ARMC2: variants seen among roughly 807,000 people sequenced by gnomAD.
ARMC2 encodes the protein armadillo repeat-containing protein 2.
ARMC2 carries 67 observed loss-of-function variants against 90.3 expected under a neutral mutation model. The ratio of observed to expected loss-of-function variants is 0.74; its 90% CI spans 0.61 to 0.91. ARMC2 has a LOEUF of 0.91. Among genes scored for constraint, ARMC2 ranks in the 40% least tolerant of loss-of-function variants. ARMC2 has a pLI of 0.00. For synonymous variants in ARMC2, 393 were observed against 393.0 expected (o/e 1.00, Z 0.00); for missense variants, 920 against 1,030.9 (o/e 0.89, Z 1.47).
At chr6:108,941,563 A>G (rs938264431) in intron 12 of ARMC2, among the ~76,000 whole-genome samples, 10 of 152,220 alleles carry the variant, frequency 6.6e-5, no homozygotes, top group African/African-American at 2.4e-4. Flanking sequence ...TTGGTTAGAT[A>G]CCAGACACAA....
intron 17 of ARMC2, among the ~76,000 whole-genome samples, chr6:108,971,282 G>T (rs1778747646): frequency 6.6e-6 from 1 of 152,160 alleles, no homozygotes; most frequent in Non-Finnish European, 1.5e-5. Flanking sequence ...CAAACAGGAA[G>T]AGCTCTGAAC....
chr6:108,917,241 C>T (rs1774058408), intron 10 of ARMC2, among the ~76,000 whole-genome samples: 2 of 152,062 alleles, frequency 1.3e-5, no homozygotes, highest in South Asian at 4.1e-4. Flanking sequence ...TTTTCCTCTC[C>T]ACAGCCCCCT....
At chr6:109,014,997 A>G in the ARMC2 span, among the ~76,000 whole-genome samples, 2 of 152,196 alleles carry the variant, frequency 1.3e-5, no homozygotes, top group Non-Finnish European at 2.9e-5. Flanking sequence ...TATATTTCCA[A>G]TGTCCTAGTG....
intron 12 of ARMC2, among the ~76,000 whole-genome samples, chr6:108,944,787 G>C (rs1776687249): frequency 6.6e-6 from 1 of 151,742 alleles, no homozygotes; most frequent in Non-Finnish European, 1.5e-5. Context: ...GTTTCCATCT[G>C]TATGTGATGG....
chr6:108,924,469 G>C (rs368485030), intron 10 of ARMC2, among the ~76,000 whole-genome samples: 1 of 151,148 alleles, frequency 6.6e-6, no homozygotes, highest in East Asian at 1.9e-4. Context: ...AGTGAGCCGA[G>C]ATCGAGACTC....
the ARMC2 span, chr6:108,990,612 A>C: frequency 2.5e-6 from 4 of 1,605,252 alleles, no homozygotes; most frequent in Non-Finnish European, 3.4e-6. Flanking sequence ...CCAGAGGAAA[A>C]CATCTCTTTA....
Position 108,974,186 on chromosome 6 carries a change from A to G in ARMC2, c.*672A>G, listed in dbSNP as rs1778930585. 6.6e-6 allele frequency: 1 copy of G among 152,258 alleles called. No individual in the cohort carries two copies. The allele number at this position is 152,258 out of a possible 1,614,324, so 9.4% of individuals were successfully genotyped here. A position where few individuals can be genotyped will look rare whatever the true frequency, so the allele number is the denominator to read the frequency against. On this transcript the variant is annotated 3_prime_UTR_variant, in exon 18 of 18. Transcript: ENST00000392644. Reference sequence around the variant, plus strand: ...TGACAGGTGAGGTAATGTATTAGAAAGAATGCAGGCTTAGGTGAATGGTAT... The same window carrying G: ...TGACAGGTGAGGTAATGTATTAGAAGGAATGCAGGCTTAGGTGAATGGTAT...
chr6:109,045,948 C>CAT, the ARMC2 span, among the ~76,000 whole-genome samples: 1 of 152,152 alleles, frequency 6.6e-6, no homozygotes, highest in African/African-American at 2.4e-5. Flanking sequence ...ATTTTGAACC[C>CAT]ATATGGGCTG....
At chr6:108,937,133 T>C (rs2768557) in intron 12 of ARMC2, 134 bp downstream of exon 12, 536,066 of 704,892 alleles carry the variant, frequency 0.76, 205,262 homozygotes, top group East Asian at 0.84. Flanking sequence ...TAATGGGCTG[T>C]CCTGGGAAGC....
At chr6:108,922,123 G>A (rs555357790) in intron 10 of ARMC2, among the ~76,000 whole-genome samples, 15 of 152,308 alleles carry the variant, frequency 9.8e-5, no homozygotes, top group South Asian at 4.1e-4. Context: ...AGAGAGGGCC[G>A]TCCACTCTGG....
Position 108,890,189 on chromosome 6 carries a change from C to CAAAAAAAAAA in ARMC2, c.672-4247_672-4238dup, listed in dbSNP as rs869186045. Among the ~76,000 whole-genome samples the CAAAAAAAAAA allele has an allele frequency of 9.3e-4, 60 of 64,238 alleles. 3 individuals carry two copies. Among genetic ancestry groups the CAAAAAAAAAA allele is most frequent in the Non-Finnish European group, 1.0e-3 (40 of 38,998 alleles). 42.1% of individuals were successfully genotyped at this position (64,238 alleles called of 152,430 possible). On this transcript the variant is annotated intron_variant, in intron 5 of 17. Transcript: ENST00000392644. Reference sequence around the variant, plus strand: ...TGGGTGACAGAGCGAGACTCCGTCTCAAAAAAAAAAAAAAAAAAAAAAAAA... The same window carrying CAAAAAAAAAA: ...TGGGTGACAGAGCGAGACTCCGTCTCAAAAAAAAAAAAAAAAAAAAAAAAAAAAAAAAAAA...
At chr6:108,924,962 G>A (rs186116920) in intron 10 of ARMC2, among the ~76,000 whole-genome samples, 1 of 152,304 alleles carries the variant, frequency 6.6e-6, no homozygotes, top group Non-Finnish European at 1.5e-5. Flanking sequence ...GGGCCCGGGA[G>A]TTTAGGAGCT....
chr6:108,894,783 T>C (rs1017722909), intron 6 of ARMC2, among the ~76,000 whole-genome samples: 3 of 146,790 alleles, frequency 2.0e-5, no homozygotes, highest in Non-Finnish European at 4.5e-5. Context: ...TTTTTTTTTT[T>C]TGAGATGGAG....
chr6:108,996,020 A>G, the ARMC2 span, among the ~76,000 whole-genome samples: 11 of 152,136 alleles, frequency 7.2e-5, no homozygotes, highest in African/African-American at 4.8e-5. Context: ...CAGAGGACCA[A>G]TCATAATTTA....
intron 13 of ARMC2, among the ~76,000 whole-genome samples, chr6:108,953,929 G>A (rs1446382123): frequency 1.3e-5 from 2 of 152,202 alleles, no homozygotes; most frequent in Admixed American, 6.5e-5. Flanking sequence ...TCTGGAGGCT[G>A]AGAAATTCAA....
intron 7 of ARMC2, among the ~76,000 whole-genome samples, chr6:108,901,236 C>T (rs1447264516): frequency 6.9e-6 from 1 of 145,386 alleles, no homozygotes; most frequent in East Asian, 2.1e-4. Flanking sequence ...GCCTCAGCCT[C>T]TTGAGTAGCT....
chr6:109,035,460 T>G, the ARMC2 span, among the ~76,000 whole-genome samples: 1 of 151,282 alleles, frequency 6.6e-6, no homozygotes, highest in African/African-American at 2.4e-5. Context: ...ATGGAGTAGG[T>G]AGGAAGAACC....
intron 3 of ARMC2, among the ~76,000 whole-genome samples, chr6:108,862,350 A>C (rs1030996392): frequency 2.8e-5 from 4 of 144,962 alleles, no homozygotes; most frequent in South Asian, 2.3e-4. Flanking sequence ...CTCAAAAAAA[A>C]AAAAAAAACA....
intron 1 of ARMC2, among the ~76,000 whole-genome samples, chr6:108,851,901 T>G (rs1438403017): frequency 2.0e-5 from 3 of 152,224 alleles, no homozygotes; most frequent in Non-Finnish European, 4.4e-5. Flanking sequence ...CTCACATTAG[T>G]GGTTCTTCTT....
Sources: gnomAD v4.1 joint callset for allele counts (sites outside exome capture counted in the v4.1 genomes callset) on GRCh38, gnomAD v4.1.1 for gene constraint, MANE v1.5 for transcripts, NCBI Gene and HGNC (gene_info 2026-07-23, HGNC 2026-07-21) for gene names.